The following FNDC3B variants were observed in gnomAD, a reference collection of about 807,000 sequenced individuals.
FNDC3B encodes the protein fibronectin type III domain-containing protein 3B.
A neutral mutation model predicts 151.5 loss-of-function variants in FNDC3B; 12 were observed. That is an observed-to-expected ratio of 0.08 (90% confidence interval 0.05 to 0.13). FNDC3B has a LOEUF of 0.13. Ranked by LOEUF, FNDC3B falls within the 10% of genes least tolerant of loss-of-function variation. The probability of loss-of-function intolerance (pLI) is 1.00; values close to 1 mark genes in which losing one functional copy is unlikely to be tolerated. For missense variants in FNDC3B, 1,214 were observed against 1,505.3 expected (o/e 0.81, Z 3.20); for synonymous variants, 528 against 549.0 (o/e 0.96, Z 0.54).
chr3:172,152,189 C>A (rs762198066), intron 3 of FNDC3B, among the ~76,000 whole-genome samples: 12 of 152,174 alleles, frequency 7.9e-5, no homozygotes, highest in Non-Finnish European at 1.6e-4. Flanking sequence ...TCACAAAAAT[C>A]GCTGGTTTTG....
intron 3 of FNDC3B, among the ~76,000 whole-genome samples, chr3:172,175,046 T>G (rs926177310): frequency 2.7e-5 from 4 of 150,224 alleles, no homozygotes; most frequent in African/African-American, 9.8e-5. Flanking sequence ...CCATCTTTGC[T>G]CCCTGACCAG....
chr3:172,393,998 C>T (rs75777671), intron 25 of FNDC3B, among the ~76,000 whole-genome samples: 22,133 of 148,602 alleles, frequency 0.15, 1,817 homozygotes, highest in South Asian at 0.22. Flanking sequence ...GTCCCAGGTA[C>T]TCGGGAGGCT....
chr3:172,353,751 C>T (rs1401814093), intron 22 of FNDC3B, among the ~76,000 whole-genome samples: 2 of 152,138 alleles, frequency 1.3e-5, no homozygotes, highest in Non-Finnish European at 2.9e-5. Context: ...GATAGTAAAA[C>T]CTCAAGACCC....
rs1254996991 is a variant in FNDC3B at position 172,400,756 on chromosome 3, CT to C, written c.*3284del. On this transcript the variant is annotated 3_prime_UTR_variant, in exon 26 of 26. Coordinates refer to ENST00000415807, the MANE Select transcript of FNDC3B (RefSeq NM_022763.4). ...GCTTTTGTTGTTGTTGTTGTTGTTTCTTTCTTTTTTTTTTTTTTTGAGACGG... is the reference window on the plus strand; with the variant it reads ...GCTTTTGTTGTTGTTGTTGTTGTTTCTTCTTTTTTTTTTTTTTTGAGACGG... 2.5e-5 allele frequency: 3 copies of C among 121,162 alleles called. No homozygotes were observed. Among genetic ancestry groups the C allele is most frequent in the Non-Finnish European group, 3.4e-5 (2 of 58,538 alleles). The allele number at this position is 121,162 out of a possible 1,614,324, so 7.5% of individuals were successfully genotyped here.
chr3:172,076,360 G>A (rs1044924370), intron 1 of FNDC3B, among the ~76,000 whole-genome samples: 1 of 152,196 alleles, frequency 6.6e-6, no homozygotes, highest in African/African-American at 2.4e-5. Flanking sequence ...AGTGTACATT[G>A]TAGAGAATTG....
intron 1 of FNDC3B, among the ~76,000 whole-genome samples, chr3:172,054,587 C>T (rs181119854): frequency 2.3e-4 from 35 of 152,312 alleles, no homozygotes; most frequent in South Asian, 4.1e-4. Context: ...GAATATTCCT[C>T]GTGGTCTAGA....
chr3:172,154,261 G>T (rs553400932), intron 3 of FNDC3B, among the ~76,000 whole-genome samples: 1 of 152,196 alleles, frequency 6.6e-6, no homozygotes, highest in South Asian at 2.1e-4. Context: ...CTGTCACCAG[G>T]CTGGAGTGCA....
intron 4 of FNDC3B, among the ~76,000 whole-genome samples, chr3:172,228,873 A>G (rs1459920684): frequency 1.3e-5 from 2 of 152,220 alleles, no homozygotes; most frequent in East Asian, 3.8e-4. Flanking sequence ...GACACGTTAC[A>G]GTAGAGTATC....
At chr3:172,269,971 A>G (rs1366883230) in intron 6 of FNDC3B, among the ~76,000 whole-genome samples, 2 of 152,208 alleles carry the variant, frequency 1.3e-5, no homozygotes, top group Non-Finnish European at 2.9e-5. Context: ...TTTATAGGAC[A>G]TTTCATCAAA....
intron 1 of FNDC3B, among the ~76,000 whole-genome samples, chr3:172,072,115 T>G (rs1483470503): frequency 6.7e-6 from 1 of 149,398 alleles, no homozygotes; most frequent in Non-Finnish European, 1.5e-5. Flanking sequence ...TCCAATAGAA[T>G]TGTTGAAATT....
chr3:172,206,684 A>AAAAAAAAAAG (rs1553772985), intron 3 of FNDC3B, among the ~76,000 whole-genome samples: 3 of 139,454 alleles, frequency 2.2e-5, no homozygotes, highest in African/African-American at 8.3e-5. Context: ...AAAAAAAAAA[A>AAAAAAAAAAG]AAAGTATATT....
intron 6 of FNDC3B, among the ~76,000 whole-genome samples, chr3:172,252,142 C>G (rs1176840849): frequency 2.0e-5 from 3 of 152,046 alleles, no homozygotes; most frequent in Admixed American, 6.5e-5. Context: ...GTAGATGAAT[C>G]TCTTGGGTAG....
chr3:172,325,185 TA>T (rs1254144553), intron 11 of FNDC3B, among the ~76,000 whole-genome samples: 3 of 152,250 alleles, frequency 2.0e-5, no homozygotes, highest in Non-Finnish European at 2.9e-5. Flanking sequence ...AGCCATATTT[TA>T]GTAGGGAACT....
intron 2 of FNDC3B, among the ~76,000 whole-genome samples, chr3:172,125,776 C>G (rs912670472): frequency 6.6e-6 from 1 of 152,200 alleles, no homozygotes; most frequent in Non-Finnish European, 1.5e-5. Context: ...TCTCTCGCTT[C>G]TACTTTTCCT....
chr3:172,074,594 C>T (rs1220214203), intron 1 of FNDC3B, among the ~76,000 whole-genome samples: 3 of 152,114 alleles, frequency 2.0e-5, no homozygotes, highest in African/African-American at 7.2e-5. Flanking sequence ...AGTATGATTT[C>T]ATGGTGGAGG....
In FNDC3B at chr3:172,318,210, A is replaced by C. The variant is rs9837350; in HGVS notation, c.1254+7329A>C. Among the ~76,000 whole-genome samples, 1,151 of 152,360 alleles carry C rather than the reference A, an allele frequency of 7.6e-3. 18 individuals are homozygous for C. Among genetic ancestry groups the C allele is most frequent in the African/African-American group, 0.026 (1,091 of 41,582 alleles). The stretch of plus-strand genomic sequence containing the variant: ...TGCCACAGAAATCAGGGGAAGCATA[A>C]TTAAAAGTTGAGAGAGGAGAAAAGG... On this transcript the variant is annotated intron_variant, in intron 11 of 25. Transcript: ENST00000415807.
At chr3:172,277,789 G>GT (rs1309913970) in intron 6 of FNDC3B, among the ~76,000 whole-genome samples, 11 of 152,166 alleles carry the variant, frequency 7.2e-5, no homozygotes, top group African/African-American at 2.6e-4. Context: ...ATAGGGTGAG[G>GT]TTTTTTCCAT....
chr3:172,074,745 G>A (rs1278333222), intron 1 of FNDC3B, among the ~76,000 whole-genome samples: 2 of 152,182 alleles, frequency 1.3e-5, no homozygotes, highest in East Asian at 3.8e-4. Context: ...AATTTGGCAG[G>A]CCCCTAGCCC....
At chr3:172,220,762 A>C (rs904680366) in intron 3 of FNDC3B, among the ~76,000 whole-genome samples, 2 of 151,988 alleles carry the variant, frequency 1.3e-5, no homozygotes, top group African/African-American at 4.8e-5. Context: ...GATTACATTG[A>C]CTCTAGATCA....
Sources: allele counts gnomAD v4.1 joint callset (sites outside exome capture counted in the v4.1 genomes callset), GRCh38; gene constraint gnomAD v4.1.1; transcripts MANE v1.5; gene names NCBI Gene and HGNC (gene_info 2026-07-23, HGNC 2026-07-21).